The following ARSJ variants were observed in gnomAD, a reference collection of about 807,000 sequenced individuals.
ARSJ encodes the protein arylsulfatase J.
ARSJ carries 26 observed loss-of-function variants against 35.9 expected under a neutral mutation model. The ratio of observed to expected loss-of-function variants is 0.72; its 90% CI spans 0.53 to 1.00. The LOEUF (loss-of-function observed/expected upper bound fraction) is 1.00, where lower values mean the gene tolerates loss of function less well. ARSJ is among the 50% of genes least tolerant of loss of function. ARSJ has a pLI of 0.00. For missense variants in ARSJ, 667 were observed against 723.6 expected (o/e 0.92, Z 0.90); for synonymous variants, 294 against 267.6 (o/e 1.10, Z -0.96).
chr4:113,959,565 CTGAATTTGTAACAT>C (rs1358368447), intron 1 of ARSJ, among the ~76,000 whole-genome samples: 2 of 151,992 alleles, frequency 1.3e-5, no homozygotes, highest in Non-Finnish European at 2.9e-5. Context: ...CTTATCTTTT[CTGAATTTGTAACAT>C]TGATTAGAAG....
chr4:113,904,281 C>T (rs1176447313), intron 1 of ARSJ, among the ~76,000 whole-genome samples: 1 of 152,130 alleles, frequency 6.6e-6, no homozygotes, highest in Admixed American at 6.6e-5. Flanking sequence ...ACACTTTAAT[C>T]TCTTAATTAC....
At chr4:113,915,723 C>T (rs1723251735) in intron 1 of ARSJ, among the ~76,000 whole-genome samples, 1 of 152,170 alleles carries the variant, frequency 6.6e-6, no homozygotes, top group Non-Finnish European at 1.5e-5. Flanking sequence ...CCCACTCTAC[C>T]TCTGGATCAG....
chr4:113,916,520 C>T (rs4834363), intron 1 of ARSJ, among the ~76,000 whole-genome samples: 107,339 of 151,844 alleles, frequency 0.71, 38,755 homozygotes, highest in East Asian at 0.81. Flanking sequence ...TGTTACTACA[C>T]GTTCTCTCTT....
intron 1 of ARSJ, among the ~76,000 whole-genome samples, chr4:113,925,981 T>C (rs1724033817): frequency 6.6e-6 from 1 of 152,068 alleles, no homozygotes; most frequent in Non-Finnish European, 1.5e-5. Flanking sequence ...ATGCATAACC[T>C]CCATCCCTGC....
chr4:113,928,861 T>G (rs1724247525), intron 1 of ARSJ, among the ~76,000 whole-genome samples: 1 of 152,130 alleles, frequency 6.6e-6, no homozygotes, highest in African/African-American at 2.4e-5. Flanking sequence ...TGAGTAGGTT[T>G]GAAGTGACAA....
chr4:113,933,005 A>C (rs1333382589), intron 1 of ARSJ, among the ~76,000 whole-genome samples: 1 of 151,946 alleles, frequency 6.6e-6, no homozygotes, highest in Non-Finnish European at 1.5e-5. Context: ...AAATAAATAA[A>C]ATCAGAAACA....
At chr4:113,906,152 A>C (rs554179881) in intron 1 of ARSJ, among the ~76,000 whole-genome samples, 1 of 152,330 alleles carries the variant, frequency 6.6e-6, no homozygotes, top group African/African-American at 2.4e-5. Flanking sequence ...GGAAACATCT[A>C]TACGGGTAAA....
intron 1 of ARSJ, among the ~76,000 whole-genome samples, chr4:113,966,774 A>G (rs761497884): frequency 6.6e-6 from 1 of 152,230 alleles, no homozygotes; most frequent in Non-Finnish European, 1.5e-5. Flanking sequence ...GCTGTGTCCA[A>G]CTGCTGGCTG....
chr4:113,913,494 T>C (rs1282445531), intron 1 of ARSJ, among the ~76,000 whole-genome samples: 1 of 152,188 alleles, frequency 6.6e-6, no homozygotes, highest in Non-Finnish European at 1.5e-5. Flanking sequence ...AGATTTAATA[T>C]ATAAGTTACA....
chr4:113,909,545 A>G (rs1345681519), intron 1 of ARSJ, among the ~76,000 whole-genome samples: 1 of 152,068 alleles, frequency 6.6e-6, no homozygotes, highest in African/African-American at 2.4e-5. Flanking sequence ...TATTCTCGTG[A>G]TAGTAAGTTC....
intron 1 of ARSJ, among the ~76,000 whole-genome samples, chr4:113,965,095 G>A (rs1025967485): frequency 3.9e-5 from 6 of 152,074 alleles, no homozygotes; most frequent in African/African-American, 1.4e-4. Context: ...GAATATTTAA[G>A]TTCTTCATTT....
intron 1 of ARSJ, among the ~76,000 whole-genome samples, chr4:113,904,178 C>T (rs2099668015): frequency 6.6e-6 from 1 of 152,110 alleles, no homozygotes; most frequent in Non-Finnish European, 1.5e-5. Flanking sequence ...ATCTACCTGC[C>T]TTGGCCTCCC....
At chr4:113,924,101 AT>A (rs1218476384) in intron 1 of ARSJ, among the ~76,000 whole-genome samples, 3 of 80,994 alleles carry the variant, frequency 3.7e-5, no homozygotes, top group East Asian at 3.7e-4. Flanking sequence ...ATATATATAT[AT>A]ATATATATAT....
At chr4:113,925,754 G>A (rs1724017633) in intron 1 of ARSJ, among the ~76,000 whole-genome samples, 1 of 152,118 alleles carries the variant, frequency 6.6e-6, no homozygotes, top group Middle Eastern at 3.2e-3. Context: ...TGCAGGATAG[G>A]CAAACCCATA....
intron 1 of ARSJ, among the ~76,000 whole-genome samples, chr4:113,935,226 T>C (rs1385781768): frequency 2.6e-5 from 4 of 151,954 alleles, no homozygotes; most frequent in Non-Finnish European, 2.9e-5. Flanking sequence ...CTGTCTGTTA[T>C]ATCCTCATGA....
intron 1 of ARSJ, among the ~76,000 whole-genome samples, chr4:113,921,321 T>C (rs1190303348): frequency 6.6e-6 from 1 of 152,134 alleles, no homozygotes; most frequent in Non-Finnish European, 1.5e-5. Context: ...AGAACAGATC[T>C]GTTAAGACTT....
chr4:113,947,908 G>A (rs112718374), intron 1 of ARSJ, among the ~76,000 whole-genome samples: 2 of 151,956 alleles, frequency 1.3e-5, no homozygotes, highest in Non-Finnish European at 2.9e-5. Context: ...AAATACATTG[G>A]CCAGGCATGG....
chr4:113,975,625 C>T (rs1313072053), intron 1 of ARSJ, among the ~76,000 whole-genome samples: 1 of 152,124 alleles, frequency 6.6e-6, no homozygotes, highest in Non-Finnish European at 1.5e-5. Context: ...ATCCCTACAT[C>T]ACTACCCCTC....
At chr4:113,915,387 A>G (rs1205695804) in intron 1 of ARSJ, among the ~76,000 whole-genome samples, 10 of 152,268 alleles carry the variant, frequency 6.6e-5, no homozygotes, top group South Asian at 6.2e-4. Flanking sequence ...AGTGAACTTT[A>G]TAAGTAGCTT....
Sources: allele counts gnomAD v4.1 joint callset (sites outside exome capture counted in the v4.1 genomes callset), GRCh38; gene constraint gnomAD v4.1.1; transcripts MANE v1.5; gene names NCBI Gene and HGNC (gene_info 2026-07-23, HGNC 2026-07-21).